Variants in HAS2 observed in about 807,000 individuals in gnomAD.
HAS2 encodes the protein HA synthase 2.
A neutral mutation model predicts 51.6 loss-of-function variants in HAS2; 16 were observed. That is an observed-to-expected ratio of 0.31 (90% confidence interval 0.21 to 0.47). The LOEUF (loss-of-function observed/expected upper bound fraction) is 0.47. Ranked by LOEUF, HAS2 falls within the 20% of genes least tolerant of loss-of-function variation. The probability of loss-of-function intolerance (pLI) is 1.00; values close to 1 mark genes in which losing one functional copy is unlikely to be tolerated. For missense variants in HAS2, 361 were observed against 662.6 expected (o/e 0.54, Z 5.00); for synonymous variants, 228 against 235.5 (o/e 0.97, Z 0.29).
At chr8:121,626,410 TC>T (rs908113899) in intron 2 of HAS2, among the ~76,000 whole-genome samples, 6 of 152,114 alleles carry the variant, frequency 3.9e-5, no homozygotes, top group African/African-American at 1.2e-4. Context: ...TGGAAACCAA[TC>T]CTTTTGGCCA....
intron 2 of HAS2, among the ~76,000 whole-genome samples, chr8:121,620,829 G>A (rs1324041214): frequency 6.6e-6 from 1 of 151,978 alleles, no homozygotes; most frequent in Non-Finnish European, 1.5e-5. Flanking sequence ...CATGGGCCAA[G>A]AATGGTTACA....
intron 1 of HAS2, among the ~76,000 whole-genome samples, chr8:121,640,651 A>T (rs1382647915): frequency 6.6e-6 from 1 of 152,154 alleles, no homozygotes; most frequent in African/African-American, 2.4e-5. Flanking sequence ...GAGCCGCAGA[A>T]ATGGGAAAAG....
At chr8:121,633,944 C>G (rs1812972039) in intron 1 of HAS2, among the ~76,000 whole-genome samples, 1 of 145,430 alleles carries the variant, frequency 6.9e-6, no homozygotes, top group African/African-American at 2.5e-5. Context: ...GAATTTCCCT[C>G]TTGTTGCCCA....
chr8:121,621,190 G>A (rs1436848748), intron 2 of HAS2, among the ~76,000 whole-genome samples: 1 of 152,194 alleles, frequency 6.6e-6, no homozygotes. Flanking sequence ...CAGTGAAGTT[G>A]AGATTAAATA....
Position 121,614,448 on chromosome 8 carries a change from T to G in HAS2, c.1320A>C (p.Ser440=), listed in dbSNP as rs781459670. 1 of 1,613,874 alleles carries G rather than the reference T, an allele frequency of 6.2e-7. No homozygotes were observed. The highest frequency in any genetic ancestry group is 2.2e-5 in the East Asian group (1 of 44,888). The part of the protein sequence containing the change: ...NIVMVFMSLY[S]VLYMSSLLPA... ...GAAGTAAACTCGACATGTATAACAC[T>G]GAGTAGAGAGACATGAAGACCATGA... The change falls in exon 4 of 4, where the codon TCA becomes TCC. Residue 440 remains serine (S), a synonymous_variant. Transcript: ENST00000303924. The surrounding 1 kb of genome is among the most constrained non-coding windows in gnomAD (Gnocchi z 7.2).
At chr8:121,634,807 A>G (rs1812987680) in intron 1 of HAS2, among the ~76,000 whole-genome samples, 1 of 151,660 alleles carries the variant, frequency 6.6e-6, no homozygotes, top group East Asian at 2.0e-4. Context: ...TCTAAAGGTA[A>G]TGGTTATGGG....
intron 2 of HAS2, among the ~76,000 whole-genome samples, chr8:121,621,768 T>G: frequency 6.6e-6 from 1 of 152,188 alleles, no homozygotes; most frequent in East Asian, 1.9e-4. Flanking sequence ...AGAAATACTG[T>G]TATCTATTCT....
At chr8:121,631,831 T>A (rs1030587581) in intron 1 of HAS2, among the ~76,000 whole-genome samples, 1 of 152,226 alleles carries the variant, frequency 6.6e-6, no homozygotes, top group Admixed American at 6.5e-5. Context: ...CTAAATCACT[T>A]TGCCAGGGAG....
At chr8:121,619,183 C>T (rs1427758323) in intron 2 of HAS2, among the ~76,000 whole-genome samples, 1 of 151,876 alleles carries the variant, frequency 6.6e-6, no homozygotes, top group Non-Finnish European at 1.5e-5. Context: ...TGAGACCAGC[C>T]TGGGCAACAC....
At position 121,613,055 on chromosome 8, in the gene HAS2, T is replaced by G. The variant is rs1812657880; in HGVS notation, c.*1054A>C. Reference sequence around the variant, plus strand: ...AAACTGCATTGTATGTGTCCAAAATTATACAGATAATTTCTCCACTTTCCA... The same window carrying G: ...AAACTGCATTGTATGTGTCCAAAATGATACAGATAATTTCTCCACTTTCCA... On this transcript the variant is annotated 3_prime_UTR_variant, in exon 4 of 4. Coordinates refer to ENST00000303924, the MANE Select transcript of HAS2 (RefSeq NM_005328.3). The G allele has an allele frequency of 6.6e-6, 1 of 152,140 alleles. No homozygotes were observed. The highest frequency in any genetic ancestry group is 6.5e-5 in the Admixed American group (1 of 15,274). 9.4% of individuals were successfully genotyped at this position (152,140 alleles called of 1,614,324 possible).
At chr8:121,640,446 G>GTGTGTGTGT (rs1563625817) in intron 1 of HAS2, among the ~76,000 whole-genome samples, 46 of 121,862 alleles carry the variant, frequency 3.8e-4, no homozygotes, top group Admixed American at 5.7e-4. Flanking sequence ...TGTGTGTGTG[G>GTGTGTGTGT]GAAAAAAAGA....
At chr8:121,626,219 T>C (rs769707948) in intron 2 of HAS2, among the ~76,000 whole-genome samples, 12 of 152,210 alleles carry the variant, frequency 7.9e-5, no homozygotes, top group Non-Finnish European at 1.3e-4. Flanking sequence ...ATTAGTACTT[T>C]TGACTTTCTC....
At chr8:121,623,716 C>A (rs1367953947) in intron 2 of HAS2, among the ~76,000 whole-genome samples, 1 of 152,130 alleles carries the variant, frequency 6.6e-6, no homozygotes, top group Admixed American at 6.5e-5. Context: ...TTCATTAAGG[C>A]CAGGACCATA....
At chr8:121,639,224 G>A (rs1471267392) in intron 1 of HAS2, 2 of 152,182 alleles carry the variant, frequency 1.3e-5, no homozygotes, top group Non-Finnish European at 2.9e-5. Context: ...CCTCCAGTTG[G>A]GGGAAGCCCT....
At chr8:121,618,734 G>A (rs1563620361) in intron 2 of HAS2, among the ~76,000 whole-genome samples, 1 of 152,134 alleles carries the variant, frequency 6.6e-6, no homozygotes, top group Non-Finnish European at 1.5e-5. Context: ...GACAATGAAT[G>A]GCATGATTGG....
At chr8:121,617,009 A>T in intron 3 of HAS2, 96 bp downstream of exon 3, 1 of 724,400 alleles carries the variant, frequency 1.4e-6, no homozygotes, top group Non-Finnish European at 2.5e-6. Context: ...GCACAGAGTT[A>T]GTGTTTAATA....
At chr8:121,632,755 CATCATCATT>C (rs1213274897) in intron 1 of HAS2, among the ~76,000 whole-genome samples, 84 of 147,268 alleles carry the variant, frequency 5.7e-4, no homozygotes, top group African/African-American at 1.9e-3. Context: ...TCATCATCAT[CATCATCATT>C]ATTATAATGG....
chr8:121,638,442 G>A (rs1191799163), intron 1 of HAS2, among the ~76,000 whole-genome samples: 1 of 152,158 alleles, frequency 6.6e-6, no homozygotes, highest in Non-Finnish European at 1.5e-5. Flanking sequence ...TCCGGGTACA[G>A]TACAAGCAAC....
At chr8:121,631,131 T>C (rs1266411054) in intron 1 of HAS2, among the ~76,000 whole-genome samples, 1 of 152,148 alleles carries the variant, frequency 6.6e-6, no homozygotes, top group East Asian at 1.9e-4. Flanking sequence ...TTTAGGGAAT[T>C]GGAAAGCCCC....
Sources: gnomAD v4.1 joint callset for allele counts (sites outside exome capture counted in the v4.1 genomes callset) on GRCh38, gnomAD v4.1.1 for gene constraint, Gnocchi (gnomAD v3.1) non-coding constraint, MANE v1.5 for transcripts, NCBI Gene and HGNC (gene_info 2026-07-23, HGNC 2026-07-21) for gene names.